Variants in VWC2 observed in about 807,000 individuals in gnomAD.
VWC2 encodes the protein von Willebrand factor C domain containing 2.
Under a neutral mutation model 29.8 loss-of-function variants are expected in VWC2, and 14 were observed. That is an observed-to-expected ratio of 0.47 (90% CI 0.31 to 0.74). The LOEUF (loss-of-function observed/expected upper bound fraction) is 0.74, where lower values mean the gene tolerates loss of function less well. VWC2 is among the 30% of genes least tolerant of loss of function. The pLI is 0.05. For synonymous variants in VWC2, 213 were observed against 199.0 expected (o/e 1.07, Z -0.59); for missense variants, 457 against 459.8 (o/e 0.99, Z 0.05).
At chr7:49,911,480 CAAAAAAAA>C (rs34782644) in intron 3 of VWC2, among the ~76,000 whole-genome samples, 3 of 71,632 alleles carry the variant, frequency 4.2e-5, no homozygotes, top group Non-Finnish European at 7.4e-5. Context: ...GACTCTGTCT[CAAAAAAAA>C]AAAAAAAAAA....
chr7:49,774,465 C>G (rs1003223897), intron 1 of VWC2, among the ~76,000 whole-genome samples: 2 of 152,240 alleles, frequency 1.3e-5, no homozygotes, highest in African/African-American at 4.8e-5. Context: ...GCGGCAGAAA[C>G]TTTGGAATCC....
chr7:49,807,970 A>C (rs1035733264), intron 3 of VWC2, among the ~76,000 whole-genome samples: 4 of 152,150 alleles, frequency 2.6e-5, no homozygotes, highest in Non-Finnish European at 5.9e-5. Flanking sequence ...GTGTACATCA[A>C]TTACCATTTT....
chr7:49,900,592 A>C (rs1003543764), intron 3 of VWC2, among the ~76,000 whole-genome samples: 1 of 151,784 alleles, frequency 6.6e-6, no homozygotes, highest in South Asian at 2.1e-4. Context: ...ACACAATCTG[A>C]CAAAGCTCAC....
At chr7:49,828,832 C>G (rs1368911212) in intron 3 of VWC2, among the ~76,000 whole-genome samples, 1 of 152,212 alleles carries the variant, frequency 6.6e-6, no homozygotes, top group Non-Finnish European at 1.5e-5. Context: ...GTCCTGTAAG[C>G]AGGCTCTTAC....
At chr7:49,836,457 TG>T (rs1454418108) in intron 3 of VWC2, among the ~76,000 whole-genome samples, 2 of 138,388 alleles carry the variant, frequency 1.4e-5, no homozygotes, top group Non-Finnish European at 3.1e-5. Flanking sequence ...GGTGAAACTC[TG>T]TCTCTGAAAA....
At chr7:49,877,300 A>G (rs1791451865) in intron 3 of VWC2, among the ~76,000 whole-genome samples, 1 of 150,264 alleles carries the variant, frequency 6.7e-6, no homozygotes, top group Non-Finnish European at 1.5e-5. Flanking sequence ...CGTGTCTACT[A>G]AAAATACAAA....
intron 3 of VWC2, among the ~76,000 whole-genome samples, chr7:49,888,845 A>G (rs1792010975): frequency 6.6e-6 from 1 of 152,154 alleles, no homozygotes; most frequent in South Asian, 2.1e-4. Context: ...CGGGAGGCGG[A>G]GGTTGCAGTG....
chr7:49,787,392 A>G (rs376463246), intron 2 of VWC2, among the ~76,000 whole-genome samples: 21 of 152,370 alleles, frequency 1.4e-4, no homozygotes, highest in African/African-American at 4.8e-4. Flanking sequence ...AAAGCTTGAA[A>G]CAAATGAAAT....
chr7:49,847,890 A>G (rs1408691788), intron 3 of VWC2, among the ~76,000 whole-genome samples: 1 of 152,132 alleles, frequency 6.6e-6, no homozygotes, highest in East Asian at 1.9e-4. Context: ...CAACAAGAAA[A>G]GTGCACTCAC....
At chr7:49,841,924 T>C (rs898160651) in intron 3 of VWC2, among the ~76,000 whole-genome samples, 2 of 152,144 alleles carry the variant, frequency 1.3e-5, no homozygotes, top group African/African-American at 4.8e-5. Flanking sequence ...TGCAGTGCAA[T>C]GGCGTGATCT....
chr7:49,864,261 C>T (rs1790789314), intron 3 of VWC2, among the ~76,000 whole-genome samples: 1 of 151,518 alleles, frequency 6.6e-6, no homozygotes, highest in East Asian at 1.9e-4. Context: ...AGAAAGAAGA[C>T]AAAGAAGGAG....
intron 3 of VWC2, among the ~76,000 whole-genome samples, chr7:49,860,314 C>G (rs951585755): frequency 3.3e-5 from 5 of 152,196 alleles, no homozygotes; most frequent in African/African-American, 1.2e-4. Context: ...TAAAAATTTA[C>G]CTGTTCTAGC....
Position 49,795,945 on chromosome 7 carries a change from G to A in VWC2, c.697-6766G>A, listed in dbSNP as rs114515200. Among the ~76,000 whole-genome samples, 1,023 of 152,164 alleles carry A rather than the reference G, an allele frequency of 6.7e-3. 11 individuals are homozygous for A. Among genetic ancestry groups the A allele is most frequent in the African/African-American group, 0.024 (991 of 41,496 alleles). On this transcript the variant is annotated intron_variant, in intron 2 of 3. Coordinates refer to ENST00000340652, the MANE Select transcript of VWC2 (RefSeq NM_198570.5). ...CCAAAAGGCTTGGCAGGCTCCAGGG[G>A]GTCCAGAGACTTAAAGAATTTCAAG...
intron 2 of VWC2, among the ~76,000 whole-genome samples, chr7:49,789,320 G>GGT (rs77380170): frequency 0.68 from 98,833 of 145,944 alleles, 33,692 homozygotes; most frequent in African/African-American, 0.84. Flanking sequence ...TGTGGGTGTA[G>GGT]GTGTGTGTGG....
chr7:49,805,036 T>C (rs565138450), intron 3 of VWC2, among the ~76,000 whole-genome samples: 1 of 152,358 alleles, frequency 6.6e-6, no homozygotes, highest in Non-Finnish European at 1.5e-5. Context: ...TGTGCAGAAA[T>C]GTTAAATTTA....
At chr7:49,781,952 C>A (rs1020001092) in intron 2 of VWC2, among the ~76,000 whole-genome samples, 35 of 152,190 alleles carry the variant, frequency 2.3e-4, no homozygotes, top group African/African-American at 8.4e-4. Context: ...AGACTAGATC[C>A]CAAGAGGCAG....
chr7:49,912,322 C>A lies in VWC2; in HGVS notation c.*137C>A. 3.4e-6 allele frequency: 3 copies of A among 874,280 alleles called. No individual in the cohort carries two copies. The highest frequency in any genetic ancestry group is 2.3e-5 in the South Asian group (1 of 43,576). 54.2% of individuals were successfully genotyped at this position (874,280 alleles called of 1,614,324 possible). On this transcript the variant is annotated 3_prime_UTR_variant, in exon 4 of 4. Coordinates refer to ENST00000340652, the MANE Select transcript of VWC2 (RefSeq NM_198570.5). ...GAAAATTGTTGGTACTTTTCCTTTTCTTGATAACAGTTACTACAACAGAAG... is the reference window on the plus strand; with the variant it reads ...GAAAATTGTTGGTACTTTTCCTTTTATTGATAACAGTTACTACAACAGAAG...
chr7:49,918,169 TC>T lies in VWC2; in HGVS notation c.*5988del, dbSNP rs1352465253. ...TTCTCCCAAATTGTGGGTAATGCTA[TC>T]CCCTTTGTTGCAGAAAAGTAAATAT... is the stretch of plus-strand genomic sequence containing the variant. On this transcript the variant is annotated 3_prime_UTR_variant, in exon 4 of 4. Transcript: ENST00000340652. 1 of 152,192 alleles carries T rather than the reference TC, an allele frequency of 6.6e-6. No homozygotes were observed. The highest frequency in any genetic ancestry group is 1.5e-5 in the Non-Finnish European group (1 of 68,036). The allele number at this position is 152,192 out of a possible 1,614,324, so 9.4% of individuals were successfully genotyped here.
intron 3 of VWC2, among the ~76,000 whole-genome samples, chr7:49,822,958 C>T (rs1204190023): frequency 6.6e-6 from 1 of 152,130 alleles, no homozygotes; most frequent in African/African-American, 2.4e-5. Flanking sequence ...GAATAATGCT[C>T]CTGTGAGCTT....
Sources: allele counts gnomAD v4.1 joint callset (sites outside exome capture counted in the v4.1 genomes callset), GRCh38; gene constraint gnomAD v4.1.1; transcripts MANE v1.5; gene names NCBI Gene and HGNC (gene_info 2026-07-23, HGNC 2026-07-21).